The following CNTNAP2 variants were observed in gnomAD, a reference collection of about 807,000 sequenced individuals.
CNTNAP2 encodes the protein contactin-associated protein-like 2.
Under a neutral mutation model 155.2 loss-of-function variants are expected in CNTNAP2, and 98 were observed. The ratio of observed to expected loss-of-function variants is 0.63; its 90% CI spans 0.54 to 0.75. The LOEUF (loss-of-function observed/expected upper bound fraction) is 0.75. Among genes scored for constraint, CNTNAP2 ranks in the 30% least tolerant of loss-of-function variants. The pLI, the probability that CNTNAP2 is intolerant of heterozygous loss-of-function variation, is 0.00. For missense variants in CNTNAP2, 1,727 were observed against 1,688.1 expected, an observed-to-expected ratio of 1.02 and a Z score of -0.40; for synonymous variants, 651 against 631.2, an observed-to-expected ratio of 1.03 and a Z score of -0.47.
intron 8 of CNTNAP2, among the ~76,000 whole-genome samples, chr7:147,150,644 C>T (rs543091491): frequency 6.6e-6 from 1 of 152,114 alleles, no homozygotes; most frequent in South Asian, 2.1e-4. Context: ...TAGGCTAATG[C>T]TCTTTGAAAA....
intron 8 of CNTNAP2, among the ~76,000 whole-genome samples, chr7:147,257,474 C>T (rs943465544): frequency 6.6e-6 from 1 of 152,202 alleles, no homozygotes; most frequent in Non-Finnish European, 1.5e-5. Flanking sequence ...TGGGTGTGTG[C>T]AGGACCTTCT....
At chr7:147,216,199 C>A (rs1469246323) in intron 8 of CNTNAP2, among the ~76,000 whole-genome samples, 1 of 151,162 alleles carries the variant, frequency 6.6e-6, no homozygotes, top group Non-Finnish European at 1.5e-5. Context: ...CAGTCTAGTT[C>A]ACCAACTGTT....
At chr7:146,585,615 T>A (rs1281155155) in intron 1 of CNTNAP2, among the ~76,000 whole-genome samples, 4 of 151,898 alleles carry the variant, frequency 2.6e-5, no homozygotes, top group Non-Finnish European at 4.4e-5. Flanking sequence ...ATTTTAAGAA[T>A]TCAGAGTTAC....
At chr7:146,921,454 G>T (rs116528264) in intron 3 of CNTNAP2, among the ~76,000 whole-genome samples, 1 of 152,100 alleles carries the variant, frequency 6.6e-6, no homozygotes, top group African/African-American at 2.4e-5. Flanking sequence ...GTTCTCATGC[G>T]GCTAACAAAG....
At chr7:147,736,040 A>G (rs1421119220) in intron 13 of CNTNAP2, among the ~76,000 whole-genome samples, 2 of 143,482 alleles carry the variant, frequency 1.4e-5, no homozygotes, top group African/African-American at 2.5e-5. Flanking sequence ...TTATATTGTT[A>G]TGTGTGAACT....
intron 13 of CNTNAP2, among the ~76,000 whole-genome samples, chr7:147,702,623 A>G (rs1584908492): frequency 1.3e-5 from 2 of 152,080 alleles, no homozygotes; most frequent in East Asian, 3.9e-4. Context: ...TTCAGACCAG[A>G]AAAAGTAATA....
chr7:147,587,328 A>C (rs147036709), intron 12 of CNTNAP2, among the ~76,000 whole-genome samples: 12 of 152,314 alleles, frequency 7.9e-5, no homozygotes, highest in African/African-American at 2.6e-4. Context: ...TATGTCAGAG[A>C]AATGTTACAC....
intron 13 of CNTNAP2, among the ~76,000 whole-genome samples, chr7:147,649,913 TAACAAAATTTAAG>T (rs909391445): frequency 2.6e-5 from 4 of 152,022 alleles, no homozygotes; most frequent in Non-Finnish European, 5.9e-5. Context: ...TAAAATAATG[TAACAAAATTTAAG>T]GAGAAAATTT....
chr7:148,046,408 A>C (rs1287236687), intron 15 of CNTNAP2, among the ~76,000 whole-genome samples: 1 of 152,162 alleles, frequency 6.6e-6, no homozygotes, highest in African/African-American at 2.4e-5. Flanking sequence ...GAGTGTAGAC[A>C]ATTTATAGGT....
intron 10 of CNTNAP2, among the ~76,000 whole-genome samples, chr7:147,432,209 G>C (rs921404016): frequency 3.9e-5 from 6 of 152,100 alleles, no homozygotes; most frequent in African/African-American, 1.4e-4. Flanking sequence ...GGGGGTCTCT[G>C]TGCATTGTGA....
At chr7:147,069,215 T>C (rs1320112727) in intron 4 of CNTNAP2, among the ~76,000 whole-genome samples, 1 of 152,170 alleles carries the variant, frequency 6.6e-6, no homozygotes, top group Non-Finnish European at 1.5e-5. Flanking sequence ...GGAATTACAT[T>C]TCAATGTTAG....
At chr7:146,253,738 G>A (rs113983045) in intron 1 of CNTNAP2, among the ~76,000 whole-genome samples, 6,329 of 152,074 alleles carry the variant, frequency 0.042, 401 homozygotes, top group African/African-American at 0.14. Flanking sequence ...AAATTGCTTC[G>A]TCAAACTGTT....
chr7:148,086,229 T>G (rs1052412603), intron 15 of CNTNAP2, among the ~76,000 whole-genome samples: 1 of 152,192 alleles, frequency 6.6e-6, no homozygotes, highest in African/African-American at 2.4e-5. Flanking sequence ...GAAAGACCTC[T>G]TTTGCTTTTA....
intron 4 of CNTNAP2, among the ~76,000 whole-genome samples, chr7:147,073,458 A>C (rs573556555): frequency 5.4e-4 from 82 of 152,282 alleles, no homozygotes; most frequent in African/African-American, 1.8e-3. Context: ...AGGAGTCAAG[A>C]TCTCAGCTTG....
At chr7:147,200,936 A>G (rs1802909445) in intron 8 of CNTNAP2, among the ~76,000 whole-genome samples, 1 of 152,230 alleles carries the variant, frequency 6.6e-6, no homozygotes, top group African/African-American at 2.4e-5. Flanking sequence ...TGTGTATGTA[A>G]TTGAAGTATT....
intron 1 of CNTNAP2, among the ~76,000 whole-genome samples, chr7:146,437,058 G>A (rs755219021): frequency 1.3e-5 from 2 of 151,470 alleles, no homozygotes; most frequent in Non-Finnish European, 2.9e-5. Context: ...GCGGTGGCAA[G>A]TGAGCATTAC....
chr7:147,199,167 G>T (rs1360277181), intron 8 of CNTNAP2, among the ~76,000 whole-genome samples: 1 of 151,842 alleles, frequency 6.6e-6, no homozygotes, highest in Non-Finnish European at 1.5e-5. Context: ...TCACTGCATT[G>T]CCCAGGCTGG....
rs557271408 is a variant in CNTNAP2, at chr7:148,402,986, G to A, written c.3716-6405G>A. Among the ~76,000 whole-genome samples, 178 of 143,212 alleles carry A rather than the reference G, an allele frequency of 1.2e-3. 2 individuals carry two copies. The highest frequency in any genetic ancestry group is 4.4e-3 in the African/African-American group (168 of 38,206). The allele number at this position is 143,212 out of a possible 152,430, so 94.0% of individuals were successfully genotyped here. A position where few individuals can be genotyped will look rare whatever the true frequency, so the allele number is the denominator to read the frequency against. ...CTGAGCCTAAATATTTTGAAACTTAGTAAATAAGAACCACAACCACCAAAT... is the reference window on the plus strand; with the variant it reads ...CTGAGCCTAAATATTTTGAAACTTAATAAATAAGAACCACAACCACCAAAT... On this transcript the variant is annotated intron_variant, in intron 22 of 23. Transcript: ENST00000361727.
intron 20 of CNTNAP2, among the ~76,000 whole-genome samples, chr7:148,256,081 C>A (rs529500852): frequency 6.6e-6 from 1 of 152,058 alleles, no homozygotes; most frequent in Non-Finnish European, 1.5e-5. Context: ...CCAAGTCTGC[C>A]GAGATGTTTT....
Sources: allele counts gnomAD v4.1 joint callset (sites outside exome capture counted in the v4.1 genomes callset), GRCh38; gene constraint gnomAD v4.1.1; transcripts MANE v1.5; gene names NCBI Gene and HGNC (gene_info 2026-07-23, HGNC 2026-07-21).